Variants in EVL observed in about 807,000 individuals in gnomAD.
EVL encodes the protein Enah/Vasp-like.
EVL carries 21 observed loss-of-function variants against 59.6 expected under a neutral mutation model. That is an observed-to-expected ratio of 0.35 (90% CI 0.25 to 0.51). EVL has a LOEUF of 0.51. Ranked by LOEUF, EVL falls within the 20% of genes least tolerant of loss-of-function variation. The pLI, the probability that EVL is intolerant of heterozygous loss-of-function variation, is 0.97. For missense variants in EVL, 462 were observed against 546.6 expected, an observed-to-expected ratio of 0.85 and a Z score of 1.54; for synonymous variants, 198 against 203.5, an observed-to-expected ratio of 0.97 and a Z score of 0.23.
intron 1 of EVL, among the ~76,000 whole-genome samples, chr14:100,023,579 G>A (rs759531653): frequency 4.6e-5 from 7 of 151,188 alleles, no homozygotes; most frequent in Admixed American, 6.6e-5. Flanking sequence ...CCCCTGCCTC[G>A]GCCTCCCAAA....
intron 8 of EVL, chr14:100,134,754 T>C (rs1888661081): frequency 6.6e-6 from 1 of 152,250 alleles, no homozygotes; most frequent in Non-Finnish European, 1.5e-5. Context: ...GCAGGCCCTC[T>C]GCCATGGCAG....
At chr14:100,021,816 G>A (rs1370077102) in intron 1 of EVL, among the ~76,000 whole-genome samples, 2 of 152,196 alleles carry the variant, frequency 1.3e-5, no homozygotes, top group African/African-American at 4.8e-5. Context: ...TGAGGCAAAG[G>A]CAGGGTGGAG....
intron 4 of EVL, among the ~76,000 whole-genome samples, chr14:100,125,283 C>T (rs1887998507): frequency 6.7e-6 from 1 of 149,610 alleles, no homozygotes; most frequent in African/African-American, 2.4e-5. Flanking sequence ...CACACACACA[C>T]ACACACACAC....
chr14:100,050,924 AAATT>A (rs1437163046), intron 1 of EVL, among the ~76,000 whole-genome samples: 1 of 150,730 alleles, frequency 6.6e-6, no homozygotes, highest in Admixed American at 6.6e-5. Context: ...AAAAAAAAAA[AAATT>A]AAGAGATGGG....
chr14:100,028,125 TGTTTG>T (rs1365167711), intron 1 of EVL, among the ~76,000 whole-genome samples: 2 of 115,138 alleles, frequency 1.7e-5, no homozygotes, highest in East Asian at 2.2e-4. Flanking sequence ...GTTGTTTTTT[TGTTTG>T]TTTGTTTTTT....
At chr14:100,103,842 C>A (rs1656955315) in intron 3 of EVL, among the ~76,000 whole-genome samples, 1 of 152,202 alleles carries the variant, frequency 6.6e-6, no homozygotes, top group African/African-American at 2.4e-5. Flanking sequence ...GTGTTGAGTG[C>A]ATAGATACAA....
At chr14:100,128,852 C>A (rs1212011913) in intron 6 of EVL, 104 bp downstream of exon 6, 2 of 988,816 alleles carry the variant, frequency 2.0e-6, no homozygotes, top group Non-Finnish European at 3.0e-6. Context: ...CAGCAAACTG[C>A]TTCCCTGCCC....
chr14:100,013,959 G>GT (rs1243966143), intron 1 of EVL, among the ~76,000 whole-genome samples: 1 of 152,202 alleles, frequency 6.6e-6, no homozygotes, highest in African/African-American at 2.4e-5. Context: ...GCAGATATGT[G>GT]TAATAACTAA....
At chr14:100,112,462 T>C (rs1887065286) in intron 3 of EVL, among the ~76,000 whole-genome samples, 1 of 152,242 alleles carries the variant, frequency 6.6e-6, no homozygotes, top group South Asian at 2.1e-4. Flanking sequence ...GATTTTAGGC[T>C]TAACTCAGAA....
At chr14:100,100,484 G>T (rs1003399510) in intron 3 of EVL, among the ~76,000 whole-genome samples, 1 of 152,276 alleles carries the variant, frequency 6.6e-6, no homozygotes, top group East Asian at 1.9e-4. Flanking sequence ...ACGTGTGTGC[G>T]CAGTTCCCAG....
chr14:99,981,091 A>C (rs1053821267), intron 1 of EVL, among the ~76,000 whole-genome samples: 4 of 150,960 alleles, frequency 2.6e-5, no homozygotes, highest in African/African-American at 9.8e-5. Context: ...AAAAAAGTGT[A>C]GGCATCTGCT....
intron 1 of EVL, among the ~76,000 whole-genome samples, chr14:100,048,287 C>T (rs2061587862): frequency 1.3e-5 from 2 of 152,096 alleles, no homozygotes; most frequent in South Asian, 4.1e-4. Flanking sequence ...ATAAAGAACT[C>T]TCAAAACTTA....
rs903431049 is a variant in EVL, at chr14:100,114,178, A to C, written c.359-9361A>C. Among the ~76,000 whole-genome samples, 2 of 141,872 alleles carry C rather than the reference A, an allele frequency of 1.4e-5. No homozygotes were observed. The highest frequency in any genetic ancestry group is 3.1e-5 in the Non-Finnish European group (2 of 63,718). 93.1% of individuals were successfully genotyped at this position (141,872 alleles called of 152,430 possible). ...GCGAAGCGAAGGAGGGCCGGGGGGG[A>C]ATCAAATGAGCCTTACTTCTGTGAG... On this transcript the variant is annotated intron_variant, in intron 3 of 13. Coordinates refer to ENST00000392920, the MANE Select transcript of EVL (RefSeq NM_016337.3). This position sits in a 1 kb window ranked among gnomAD's most constrained non-coding sequence, Gnocchi z 5.0.
At chr14:100,024,214 C>A (rs2061173608) in intron 1 of EVL, among the ~76,000 whole-genome samples, 1 of 152,158 alleles carries the variant, frequency 6.6e-6, no homozygotes, top group Non-Finnish European at 1.5e-5. Context: ...TTTATTAATT[C>A]AAATTTATAT....
chr14:100,005,037 T>C (rs1018594276), intron 1 of EVL, among the ~76,000 whole-genome samples: 4 of 152,230 alleles, frequency 2.6e-5, no homozygotes, highest in African/African-American at 7.2e-5. Context: ...AGATTACTTA[T>C]GAAAACTACA....
intron 1 of EVL, among the ~76,000 whole-genome samples, chr14:100,053,285 G>T (rs1308299526): frequency 2.0e-5 from 3 of 151,952 alleles, no homozygotes; most frequent in African/African-American, 7.3e-5. Context: ...TTTTCTCCTC[G>T]TTTTTTCTCA....
intron 1 of EVL, among the ~76,000 whole-genome samples, chr14:99,988,665 A>G (rs923646969): frequency 7.2e-5 from 11 of 152,252 alleles, no homozygotes; most frequent in African/African-American, 2.2e-4. Context: ...GATAGCCTCA[A>G]AGTGGAAACA....
intron 1 of EVL, among the ~76,000 whole-genome samples, chr14:99,993,205 G>A (rs1039828946): frequency 4.0e-5 from 6 of 151,396 alleles, no homozygotes; most frequent in Non-Finnish European, 5.9e-5. Context: ...CTACAGGCAC[G>A]TGCCACCACG....
chr14:100,028,219 T>C (rs1225794264), intron 1 of EVL, among the ~76,000 whole-genome samples: 1 of 150,442 alleles, frequency 6.6e-6, no homozygotes, highest in Non-Finnish European at 1.5e-5. Flanking sequence ...ACCAGCAGTG[T>C]ACAAGGGCCC....
Sources: gnomAD v4.1 joint callset for allele counts (sites outside exome capture counted in the v4.1 genomes callset) on GRCh38, gnomAD v4.1.1 for gene constraint, Gnocchi (gnomAD v3.1) non-coding constraint, MANE v1.5 for transcripts, NCBI Gene and HGNC (gene_info 2026-07-23, HGNC 2026-07-21) for gene names.